Variants in GPALPP1 observed in about 807,000 individuals in gnomAD.
GPALPP1 encodes the protein GPALPP motifs-containing protein 1.
Under a neutral mutation model 38.9 loss-of-function variants are expected in GPALPP1, and 30 were observed. The observed-to-expected ratio is 0.77, with a 90% confidence interval of 0.58 to 1.05. The LOEUF (loss-of-function observed/expected upper bound fraction) is 1.05. Ranked by LOEUF, GPALPP1 falls within the 50% of genes least tolerant of loss-of-function variation. GPALPP1 has a pLI of 0.00. For synonymous variants in GPALPP1, 120 were observed against 139.2 expected (o/e 0.86, Z 0.97); for missense variants, 384 against 408.8 (o/e 0.94, Z 0.52).
chr13:45,014,884 A>G (rs1874723322), intron 4 of GPALPP1, 68 bp from the exon 5 acceptor site: 1 of 1,192,682 alleles, frequency 8.4e-7, no homozygotes. Context: ...AAATGCAGGT[A>G]ATTTAGAATT....
chr13:45,032,704 C>T (rs1365548053), downstream of GPALPP1, among the ~76,000 whole-genome samples: 3 of 146,192 alleles, frequency 2.1e-5, no homozygotes, highest in African/African-American at 7.4e-5. Context: ...CCGCGCCTGG[C>T]CTGAATGATT....
intron 6 of GPALPP1, among the ~76,000 whole-genome samples, chr13:45,018,254 A>G (rs369115952): frequency 4.5e-4 from 69 of 152,006 alleles, no homozygotes; most frequent in African/African-American, 1.5e-3. Context: ...AAAATTAGCC[A>G]GGCGTGGTGG....
At chr13:45,033,757 C>T (rs947787220), downstream of GPALPP1, 8 of 152,180 alleles carry the variant, frequency 5.3e-5, no homozygotes, top group Non-Finnish European at 1.0e-4. Flanking sequence ...AACTCCAACT[C>T]GCTTGCCAGG....
chr13:44,994,997 C>T (rs1397850527), intron 1 of GPALPP1, among the ~76,000 whole-genome samples: 6 of 151,918 alleles, frequency 3.9e-5, no homozygotes, highest in African/African-American at 7.3e-5. Context: ...GGGATACAGG[C>T]GTGCACCACC....
At chr13:45,019,092 T>TATAA (rs1566082234) in intron 6 of GPALPP1, among the ~76,000 whole-genome samples, 3 of 133,134 alleles carry the variant, frequency 2.3e-5, no homozygotes, top group African/African-American at 8.8e-5. Context: ...AATATATGTA[T>TATAA]ATATATTTAT....
At chr13:45,006,430 T>C in intron 3 of GPALPP1, 127 bp downstream of exon 3, 1 of 532,926 alleles carries the variant, frequency 1.9e-6, no homozygotes, top group South Asian at 3.5e-5. Context: ...TTGAAATGGG[T>C]CATTCACCAG....
chr13:44,989,768 A>T (rs779543014), intron 1 of GPALPP1, 26 bp downstream of exon 1: 1 of 1,559,444 alleles, frequency 6.4e-7, no homozygotes, highest in South Asian at 1.1e-5. Context: ...TCCGCTGCCC[A>T]CCAGGCCCAT....
intron 1 of GPALPP1, among the ~76,000 whole-genome samples, chr13:44,993,579 G>A (rs1873007984): frequency 1.3e-5 from 2 of 152,118 alleles, no homozygotes; most frequent in South Asian, 4.1e-4. Flanking sequence ...CTACTGGGGA[G>A]GCTGAGGCTT....
intron 6 of GPALPP1, among the ~76,000 whole-genome samples, chr13:45,018,926 TATAA>T (rs1215100960): frequency 7.4e-6 from 1 of 135,098 alleles, no homozygotes; most frequent in Non-Finnish European, 1.5e-5. Flanking sequence ...CATATAAATG[TATAA>T]ATATATACAT....
downstream of GPALPP1, chr13:45,032,088 A>G (rs1876225545): frequency 6.6e-6 from 1 of 152,232 alleles, no homozygotes; most frequent in Admixed American, 6.5e-5. Context: ...TAGATGCTTC[A>G]AATAGTAACC....
intron 7 of GPALPP1, among the ~76,000 whole-genome samples, chr13:45,025,864 T>C (rs59932929): frequency 0.049 from 7,521 of 152,088 alleles, 275 homozygotes; most frequent in East Asian, 0.12. Context: ...CTCCACCTCC[T>C]GGGTTCAGGC....
At position 45,008,811 on chromosome 13, in the gene GPALPP1, G is replaced by T; in HGVS notation, c.340G>T (p.Ala114Ser). 6.3e-7 allele frequency: 1 copy of T among 1,580,364 alleles called. No homozygotes were observed. Among genetic ancestry groups the T allele is most frequent in the Non-Finnish European group, 8.7e-7 (1 of 1,149,430 alleles). The part of the protein sequence containing the change: ...DSPPRPIIGP[A>S]LPPGFIKSTQ... ...ATTTTTCAGGCCCATAATAGGTCCT[G>T]CATTGCCACCTGGTTTCATTAAATC... The change falls in exon 4 of 8, where the codon GCA becomes TCA. Residue 114 changes from alanine (A) to serine (S), a missense_variant. Ala to Ser is a moderately conservative substitution (Grantham distance 99). Transcript: ENST00000379151.
At chr13:45,006,587 T>TA (rs1333923424) in intron 3 of GPALPP1, among the ~76,000 whole-genome samples, 2 of 152,202 alleles carry the variant, frequency 1.3e-5, no homozygotes, top group South Asian at 4.1e-4. Context: ...CCCCACTTTA[T>TA]AAACAGATAA....
intron 3 of GPALPP1, among the ~76,000 whole-genome samples, chr13:45,007,383 T>A (rs1249863869): frequency 6.6e-6 from 1 of 152,208 alleles, no homozygotes; most frequent in African/African-American, 2.4e-5. Context: ...TATAGTATCA[T>A]AACATGCCAT....
intron 1 of GPALPP1, chr13:44,990,456 G>A (rs1165855800): frequency 6.5e-6 from 1 of 152,972 alleles, no homozygotes; most frequent in East Asian, 1.9e-4. Context: ...TTTTGCCCTC[G>A]GGTTTTTTCC....
At chr13:44,990,965 C>T (rs1872753100) in intron 1 of GPALPP1, among the ~76,000 whole-genome samples, 1 of 152,116 alleles carries the variant, frequency 6.6e-6, no homozygotes, top group Admixed American at 6.6e-5. Context: ...TGGCGGGCGC[C>T]TGTAATCCCA....
At position 45,022,289 on chromosome 13, in the gene GPALPP1, G is replaced by A. The variant is rs561739287; in HGVS notation, c.804+1861G>A. On this transcript the variant is annotated intron_variant, in intron 7 of 7. Transcript: ENST00000379151. ...AAATCAATGCTGATAGTCGGAATAGGGGTATGGAATTTGACTAGGAAACAG... is the reference window on the plus strand; with the variant it reads ...AAATCAATGCTGATAGTCGGAATAGAGGTATGGAATTTGACTAGGAAACAG... 2.0e-5 allele frequency among the ~76,000 whole-genome samples: 3 copies of A among 152,192 alleles called. No homozygotes were observed. In the South Asian group the frequency reaches 6.2e-4, roughly 32 times the overall value.
In GPALPP1 at chr13:45,008,778, T is replaced by C; in HGVS notation, c.324-17T>C. The C allele has an allele frequency of 1.8e-5, 24 of 1,352,026 alleles. No homozygotes were observed. Among genetic ancestry groups the C allele is most frequent in the Non-Finnish European group, 2.5e-5 (24 of 945,966 alleles). 83.8% of individuals were successfully genotyped at this position (1,352,026 alleles called of 1,614,324 possible). A position where few individuals can be genotyped will look rare whatever the true frequency, so the allele number is the denominator to read the frequency against. ...TTAAAGTCAGGGAGAATGATAAAAG[T>C]ACATTTTATTTTTCAGGCCCATAAT... On this transcript the variant is annotated splice_polypyrimidine_tract_variant and intron_variant, in intron 3 of 7. Coordinates refer to ENST00000379151, the MANE Select transcript of GPALPP1 (RefSeq NM_018559.5).
rs1873224553 is a variant in GPALPP1, at chr13:44,995,787, G to C, written c.88+6045G>C. On this transcript the variant is annotated intron_variant, in intron 1 of 7. Coordinates refer to ENST00000379151, the MANE Select transcript of GPALPP1 (RefSeq NM_018559.5). ...ATGCCAACTCTGATTCAGGTGATCT[G>C]GGTGAGGCCTGAGATTCTGCATTTC... is the stretch of plus-strand genomic sequence containing the variant. Among the ~76,000 whole-genome samples the C allele has an allele frequency of 2.0e-5, 3 of 152,200 alleles. No homozygotes were observed. The South Asian group carries it at 6.2e-4, about 32-fold the overall frequency.
Sources: gnomAD v4.1 joint callset for allele counts (sites outside exome capture counted in the v4.1 genomes callset) on GRCh38, gnomAD v4.1.1 for gene constraint, MANE v1.5 for transcripts, NCBI Gene and HGNC (gene_info 2026-07-23, HGNC 2026-07-21) for gene names.